ELAPOR2: variants seen among roughly 807,000 people sequenced by gnomAD.
ELAPOR2 encodes the protein endosome/lysosome-associated apoptosis and autophagy regulator family member 2.
Under a neutral mutation model 120.7 loss-of-function variants are expected in ELAPOR2, and 89 were observed. The ratio of observed to expected loss-of-function variants is 0.74; its 90% CI spans 0.62 to 0.88. ELAPOR2 has a LOEUF of 0.88. Ranked by LOEUF, ELAPOR2 falls within the 40% of genes least tolerant of loss-of-function variation. The probability of loss-of-function intolerance (pLI) is 0.00; values close to 1 mark genes in which losing one functional copy is unlikely to be tolerated. For missense variants in ELAPOR2, 1,134 were observed against 1,251.6 expected (o/e 0.91, Z 1.42); for synonymous variants, 444 against 444.9 (o/e 1.00, Z 0.03).
intron 7 of ELAPOR2, among the ~76,000 whole-genome samples, 172 bp from the exon 8 acceptor site, chr7:86,938,386 C>T (rs1739258462): frequency 6.6e-6 from 1 of 151,972 alleles, no homozygotes; most frequent in South Asian, 2.1e-4. Flanking sequence ...TTTATTTTCC[C>T]TAGAGCAATA....
intron 1 of ELAPOR2, among the ~76,000 whole-genome samples, chr7:86,973,118 G>A (rs1216923577): frequency 1.3e-5 from 2 of 151,872 alleles, no homozygotes; most frequent in Non-Finnish European, 2.9e-5. Flanking sequence ...TTCTGCTCTT[G>A]CCCACACCTA....
intron 1 of ELAPOR2, among the ~76,000 whole-genome samples, chr7:86,972,267 C>A (rs768140683): frequency 9.9e-5 from 15 of 152,114 alleles, no homozygotes; most frequent in Admixed American, 2.0e-4. Flanking sequence ...GCTGCACCAC[C>A]CAATCAGAAC....
At chr7:86,900,125 G>A (rs919867118) in intron 18 of ELAPOR2, among the ~76,000 whole-genome samples, 4 of 151,902 alleles carry the variant, frequency 2.6e-5, no homozygotes, top group African/African-American at 9.7e-5. Context: ...CCTACATTTT[G>A]TTTTCTAGCA....
chr7:86,967,675 T>A (rs1294603831), intron 1 of ELAPOR2, among the ~76,000 whole-genome samples: 1 of 152,156 alleles, frequency 6.6e-6, no homozygotes, highest in East Asian at 1.9e-4. Context: ...CTGCCAGTTA[T>A]GAGATGAGAA....
rs1412410885 is a variant in ELAPOR2 at position 87,011,128 on chromosome 7, C to T, written c.190-46104G>A. Among the ~76,000 whole-genome samples, 10 of 151,452 alleles carry T rather than the reference C, an allele frequency of 6.6e-5. No individual in the cohort carries two copies. In the East Asian group the frequency reaches 1.8e-3, roughly 27 times the overall value. On this transcript the variant is annotated intron_variant, in intron 1 of 21. Transcript: ENST00000450689. ...TAAAAATACAAAAAAATTAGCTGGG[C>T]ATGGTGGCACGTGCCTGTAGTCCCA... is the stretch of plus-strand genomic sequence containing the variant.
At chr7:86,888,988 A>G (rs1799822958) in intron 21 of ELAPOR2, among the ~76,000 whole-genome samples, 1 of 152,106 alleles carries the variant, frequency 6.6e-6, no homozygotes, top group African/African-American at 2.4e-5. Context: ...TAAAAACATG[A>G]TAACTTACAC....
At chr7:86,883,069 A>G (rs1018996554) in intron 21 of ELAPOR2, among the ~76,000 whole-genome samples, 1 of 150,800 alleles carries the variant, frequency 6.6e-6, no homozygotes, top group African/African-American at 2.5e-5. Flanking sequence ...TGTGAAAGAC[A>G]TGTGTCCTCC....
At chr7:87,052,945 T>A (rs1795157706) in intron 1 of ELAPOR2, among the ~76,000 whole-genome samples, 1 of 152,088 alleles carries the variant, frequency 6.6e-6, no homozygotes, top group Non-Finnish European at 1.5e-5. Context: ...TACAGGCCCA[T>A]GCCACCATGC....
chr7:86,943,179 A>T (rs1412053133), intron 4 of ELAPOR2, among the ~76,000 whole-genome samples: 1 of 151,844 alleles, frequency 6.6e-6, no homozygotes, highest in Non-Finnish European at 1.5e-5. Context: ...ATAAACTGAA[A>T]GCTTTTTTTA....
intron 4 of ELAPOR2, among the ~76,000 whole-genome samples, 196 bp from the exon 5 acceptor site, chr7:86,942,300 A>G (rs764651785): frequency 5.3e-5 from 8 of 152,022 alleles, no homozygotes; most frequent in Non-Finnish European, 1.2e-4. Flanking sequence ...TTCTAAGTAA[A>G]CTATCTTCAT....
At chr7:87,014,902 T>C (rs534796726) in intron 1 of ELAPOR2, among the ~76,000 whole-genome samples, 20 of 152,222 alleles carry the variant, frequency 1.3e-4, no homozygotes, top group African/African-American at 4.3e-4. Flanking sequence ...GTTTCACAGG[T>C]GTATGCATTT....
In ELAPOR2 at chr7:87,009,048, A is replaced by G. The variant is rs1487319919; in HGVS notation, c.190-44024T>C. Among the ~76,000 whole-genome samples, 95 of 152,200 alleles carry G rather than the reference A, an allele frequency of 6.2e-4. 3 individuals are homozygous for G. On this transcript the variant is annotated intron_variant, in intron 1 of 21. Coordinates refer to ENST00000450689, the MANE Select transcript of ELAPOR2 (RefSeq NM_001142749.3). ...CATACCTGAATTCACTGACTGATGA[A>G]TTTAAAAAAATTAGATCCCTAATTT...
intron 3 of ELAPOR2, among the ~76,000 whole-genome samples, chr7:86,945,332 C>T (rs1790956435): frequency 6.6e-6 from 1 of 152,176 alleles, no homozygotes; most frequent in South Asian, 2.1e-4. Context: ...ATTTTAGTAG[C>T]CTTAGATGGA....
At chr7:86,972,536 G>A (rs1160648318) in intron 1 of ELAPOR2, among the ~76,000 whole-genome samples, 2 of 151,136 alleles carry the variant, frequency 1.3e-5, no homozygotes, top group Non-Finnish European at 2.9e-5. Context: ...TATTTCCTCT[G>A]GGAAAAAATT....
intron 19 of ELAPOR2, among the ~76,000 whole-genome samples, chr7:86,894,040 T>C (rs1562902037): frequency 6.6e-6 from 1 of 152,088 alleles, no homozygotes; most frequent in Non-Finnish European, 1.5e-5. Context: ...ATCAACACTC[T>C]AACAGAGGAA....
intron 2 of ELAPOR2, among the ~76,000 whole-genome samples, chr7:86,955,463 C>G (rs1462763080): frequency 2.0e-5 from 3 of 151,852 alleles, no homozygotes; most frequent in Admixed American, 6.6e-5. Flanking sequence ...GTGAGTACAT[C>G]AACTATCTGT....
chr7:86,938,152 G>T lies in ELAPOR2; in HGVS notation c.1063C>A (p.His355Asn). The T allele has an allele frequency of 6.4e-7, 1 of 1,551,804 alleles. No individual in the cohort carries two copies. The highest frequency in any genetic ancestry group is 1.2e-5 in the South Asian group (1 of 84,120). ...TTTCCTTCTTCATCACATGGAGTAT[G>T]GATCTGGAAATAGTCTTTTGTGGTA... ...PCTTKDYFQIHTPCDEEGKTQ... is the reference protein window; with the variant it reads ...PCTTKDYFQINTPCDEEGKTQ... The change falls in exon 8 of 22, where the codon CAT becomes AAT. Residue 355 changes from histidine to asparagine, a missense_variant. Coordinates refer to ENST00000450689, the MANE Select transcript of ELAPOR2 (RefSeq NM_001142749.3).
chr7:86,989,357 C>T (rs1792863533), intron 1 of ELAPOR2, among the ~76,000 whole-genome samples: 1 of 152,184 alleles, frequency 6.6e-6, no homozygotes, highest in South Asian at 2.1e-4. Context: ...TCTACCTTGG[C>T]TCACAATTTC....
chr7:86,950,771 A>T (rs532976174), intron 2 of ELAPOR2, among the ~76,000 whole-genome samples: 1 of 152,344 alleles, frequency 6.6e-6, no homozygotes, highest in East Asian at 1.9e-4. Context: ...AGGAGGCAGA[A>T]CAAGCCTGGT....
Sources: gnomAD v4.1 joint callset for allele counts (sites outside exome capture counted in the v4.1 genomes callset) on GRCh38, gnomAD v4.1.1 for gene constraint, MANE v1.5 for transcripts, NCBI Gene and HGNC (gene_info 2026-07-23, HGNC 2026-07-21) for gene names.